NRXN2: variants seen among roughly 807,000 people sequenced by gnomAD.
The protein encoded by NRXN2 is neurexin 2.
NRXN2 carries 29 observed loss-of-function variants against 128.8 expected under a neutral mutation model. That is an observed-to-expected ratio of 0.23 (90% CI 0.17 to 0.31). The LOEUF is 0.31. Ranked by LOEUF, NRXN2 falls within the 10% of genes least tolerant of loss-of-function variation. The pLI, the probability that NRXN2 is intolerant of heterozygous loss-of-function variation, is 1.00. For synonymous variants in NRXN2, 1,098 were observed against 1,075.2 expected (o/e 1.02, Z -0.41); for missense variants, 1,881 against 2,452.6 (o/e 0.77, Z 4.92).
intron 9 of NRXN2, among the ~76,000 whole-genome samples, chr11:64,661,758 C>A (rs1284713088): frequency 1.3e-5 from 2 of 152,108 alleles, no homozygotes; most frequent in Non-Finnish European, 1.5e-5. Flanking sequence ...TGCCAAAGCG[C>A]CACAGTGGGG....
intron 7 of NRXN2, among the ~76,000 whole-genome samples, chr11:64,673,001 CAGG>C (rs773286796): frequency 3.3e-5 from 5 of 152,194 alleles, no homozygotes; most frequent in Non-Finnish European, 5.9e-5. Flanking sequence ...TCATCTGTGA[CAGG>C]AGTTTAACAA....
chr11:64,653,791 TA>T (rs1410177615), intron 11 of NRXN2, 69 bp from the exon 12 acceptor site: 1 of 1,137,648 alleles, frequency 8.8e-7, no homozygotes, highest in Non-Finnish European at 1.3e-6. Flanking sequence ...TTTTTTTTTT[TA>T]CATCCTTCAC....
intron 1 of NRXN2, among the ~76,000 whole-genome samples, chr11:64,717,801 G>A (rs561478755): frequency 3.9e-5 from 6 of 152,316 alleles, no homozygotes; most frequent in African/African-American, 7.2e-5. Context: ...AGCTTAGAAC[G>A]ATGAATTCAC....
intron 17 of NRXN2, among the ~76,000 whole-genome samples, chr11:64,637,237 A>G (rs1481576647): frequency 1.3e-5 from 2 of 152,154 alleles, no homozygotes; most frequent in Non-Finnish European, 2.9e-5. Flanking sequence ...CCCAGCAGAC[A>G]GAGGGGGCTT....
At chr11:64,629,758 C>T (rs539257206) in intron 19 of NRXN2, among the ~76,000 whole-genome samples, 3 of 152,292 alleles carry the variant, frequency 2.0e-5, no homozygotes, top group Non-Finnish European at 2.9e-5. Context: ...GGTTATTGAA[C>T]GCACATGACC....
intron 22 of NRXN2, among the ~76,000 whole-genome samples, chr11:64,616,712 T>C (rs2135298650): frequency 6.6e-6 from 1 of 152,296 alleles, no homozygotes; most frequent in East Asian, 1.9e-4. Flanking sequence ...GTGTGTGTGA[T>C]TCTGAACATT....
chr11:64,630,105 C>T lies in NRXN2; in HGVS notation c.3757+297G>A, dbSNP rs1197947302. On this transcript the variant is annotated intron_variant, in intron 19 of 22. Transcript: ENST00000265459. This position sits in a 1 kb window ranked among gnomAD's most constrained non-coding sequence, Gnocchi z 4.6. The stretch of plus-strand genomic sequence containing the variant: ...CTCTACCCTCCCTCCACTTCTCCCC[C>T]CACCCCCAAACTGGACCCTGGCCTT... Among the ~76,000 whole-genome samples the T allele has an allele frequency of 6.6e-6, 1 of 152,068 alleles. No homozygotes were observed. The highest frequency in any genetic ancestry group is 6.5e-5 in the Admixed American group (1 of 15,274).
At chr11:64,700,763 T>C (rs948178320) in intron 2 of NRXN2, among the ~76,000 whole-genome samples, 4 of 152,184 alleles carry the variant, frequency 2.6e-5, no homozygotes, top group African/African-American at 9.7e-5. Context: ...CCTTTCAGTG[T>C]TTCTGATACA....
chr11:64,639,051 T>A (rs752914611), intron 17 of NRXN2, among the ~76,000 whole-genome samples: 26 of 152,218 alleles, frequency 1.7e-4, no homozygotes, highest in Non-Finnish European at 2.9e-4. Flanking sequence ...TGGTTAAAAC[T>A]ACATGTGCAG....
At chr11:64,665,936 G>C (rs2049789371) in intron 9 of NRXN2, among the ~76,000 whole-genome samples, 1 of 152,180 alleles carries the variant, frequency 6.6e-6, no homozygotes, top group Admixed American at 6.5e-5. Context: ...GAAGAGAGTG[G>C]CTAGAAGCAA....
Position 64,622,867 on chromosome 11 carries a change from C to T in NRXN2, c.4059G>A (p.Thr1353=), listed in dbSNP as rs770306729. Residue 1353 remains threonine, a synonymous_variant, in exon 21 of 23, where the codon ACG becomes ACA. Coordinates refer to ENST00000265459, the MANE Select transcript of NRXN2 (RefSeq NM_015080.4). The surrounding 1 kb of genome is among the most constrained non-coding windows in gnomAD (Gnocchi z 4.3). ...CCATGTCAGCCAGCAGGGTGGTGGC[C>T]GTGGTCTCCGCACTGAGCAGCACGG... ...GPSVLLSAET[T]ATTLLADMAT... 2.7e-5 allele frequency: 43 copies of T among 1,612,576 alleles called. No homozygotes were observed. The highest frequency in any genetic ancestry group is 3.6e-5 in the Non-Finnish European group (42 of 1,179,858).
intron 20 of NRXN2, 128 bp downstream of exon 20, chr11:64,626,335 C>T: frequency 1.4e-6 from 1 of 719,486 alleles, no homozygotes; most frequent in South Asian, 1.6e-5. Context: ...AGCATTCTGG[C>T]TGGCCAATTG....
intron 2 of NRXN2, among the ~76,000 whole-genome samples, chr11:64,712,506 G>A (rs2057026324): frequency 1.5e-5 from 2 of 135,516 alleles, no homozygotes; most frequent in Non-Finnish European, 3.1e-5. Flanking sequence ...CACCCCTCAC[G>A]GCCTCATACG....
chr11:64,656,818 T>A (rs1438958668), intron 11 of NRXN2, among the ~76,000 whole-genome samples: 2 of 152,186 alleles, frequency 1.3e-5, no homozygotes, highest in African/African-American at 4.8e-5. Context: ...ACTTGCTCAG[T>A]GTTTGCAAAC....
chr11:64,621,361 T>C (rs1179333327), intron 21 of NRXN2, among the ~76,000 whole-genome samples: 1 of 151,960 alleles, frequency 6.6e-6, no homozygotes, highest in Non-Finnish European at 1.5e-5. Flanking sequence ...TCGTCCCCTA[T>C]GATTTGGAGG....
Position 64,689,668 on chromosome 11 carries a change from T to G in NRXN2, c.850+737A>C, listed in dbSNP as rs959085351. 9.9e-5 allele frequency among the ~76,000 whole-genome samples: 15 copies of G among 152,280 alleles called. No individual in the cohort carries two copies. The East Asian group carries it at 2.1e-3, about 22-fold the overall frequency. ...TGTGATGAGCCTTCTAGTGGAAGTG[T>G]GGACAAAGTGTGGAAGTGACCAGGT... On this transcript the variant is annotated intron_variant, in intron 5 of 22. Coordinates refer to ENST00000265459, the MANE Select transcript of NRXN2 (RefSeq NM_015080.4).
At chr11:64,614,750 T>C (rs1437486055) in intron 22 of NRXN2, among the ~76,000 whole-genome samples, 1 of 152,230 alleles carries the variant, frequency 6.6e-6, no homozygotes, top group Non-Finnish European at 1.5e-5. Flanking sequence ...GCTGGGTGTG[T>C]ATCGGGCTGT....
In NRXN2 at chr11:64,696,088, C is replaced by G. The variant is rs1352615207; in HGVS notation, c.748+1687G>C. The stretch of plus-strand genomic sequence containing the variant: ...TCTCCTTCCTCCATCTCTCTGCTCC[C>G]TCCTTTTTTCTCTCCTCCACCCTTT... On this transcript the variant is annotated intron_variant, in intron 3 of 22. Coordinates refer to ENST00000265459, the MANE Select transcript of NRXN2 (RefSeq NM_015080.4). Among the ~76,000 whole-genome samples the G allele has an allele frequency of 2.0e-5, 3 of 151,540 alleles. No individual in the cohort carries two copies. In the East Asian group the frequency reaches 5.9e-4, roughly 30 times the overall value.
intron 22 of NRXN2, among the ~76,000 whole-genome samples, chr11:64,611,879 G>A (rs191660432): frequency 1.6e-4 from 24 of 152,062 alleles, no homozygotes; most frequent in Admixed American, 1.2e-3. Flanking sequence ...GATCTCCTGA[G>A]GTGTCCTCCC....
Sources: allele counts gnomAD v4.1 joint callset (sites outside exome capture counted in the v4.1 genomes callset), GRCh38; gene constraint gnomAD v4.1.1; non-coding constraint Gnocchi (gnomAD v3.1); transcripts MANE v1.5; gene names NCBI Gene and HGNC (gene_info 2026-07-23, HGNC 2026-07-21).